The following NTRK3 variants were observed in gnomAD, a reference collection of about 807,000 sequenced individuals.
The protein encoded by NTRK3 is NT-3 growth factor receptor.
Under a neutral mutation model 91.7 loss-of-function variants are expected in NTRK3, and 24 were observed. That is an observed-to-expected ratio of 0.26 (90% CI 0.19 to 0.37). The LOEUF is 0.37. NTRK3 is among the 10% of genes least tolerant of loss of function. NTRK3 has a pLI of 1.00. For synonymous variants in NTRK3, 483 were observed against 404.0 expected (o/e 1.20, Z -2.34); for missense variants, 880 against 1,068.9 (o/e 0.82, Z 2.46).
intron 17 of NTRK3, chr15:87,926,765 T>A (rs1014759604): frequency 5.9e-5 from 9 of 152,258 alleles, no homozygotes; most frequent in African/African-American, 1.9e-4. Context: ...TAGCACATTC[T>A]GGTCAGACAT....
chr15:87,868,739 T>C (rs2064752312), exon 19 of NTRK3: 2 of 221,936 alleles, frequency 9.0e-6, no homozygotes, highest in Non-Finnish European at 1.8e-5. Flanking sequence ...AATTATAGAG[T>C]GAGTCTGGCT....
chr15:87,889,792 C>G (rs114891475), intron 17 of NTRK3, among the ~76,000 whole-genome samples: 24 of 152,048 alleles, frequency 1.6e-4, no homozygotes, highest in African/African-American at 5.5e-4. Flanking sequence ...ACTAATAATG[C>G]CTTAACACCA....
rs141908413 is a variant in NTRK3, at chr15:88,174,302, A to G, written c.395+9116T>C. Among the ~76,000 whole-genome samples the G allele has an allele frequency of 1.6e-4, 24 of 152,310 alleles. No individual in the cohort carries two copies. The East Asian group carries it at 4.2e-3, about 27-fold the overall frequency. On this transcript the variant is annotated intron_variant, in intron 5 of 18. Transcript: ENST00000394480. Reference sequence around the variant, plus strand: ...TAAATAGCTTATCCAACGTCACAGCATAAGGCCAAGAAAGAGCCAAAGGGA... The same window carrying G: ...TAAATAGCTTATCCAACGTCACAGCGTAAGGCCAAGAAAGAGCCAAAGGGA...
At chr15:88,155,623 A>G (rs2043815922) in intron 5 of NTRK3, among the ~76,000 whole-genome samples, 1 of 152,228 alleles carries the variant, frequency 6.6e-6, no homozygotes, top group Non-Finnish European at 1.5e-5. Flanking sequence ...CCCTTTTCAG[A>G]AAAAGTGTGA....
At chr15:88,206,201 C>T (rs1313535456) in intron 3 of NTRK3, among the ~76,000 whole-genome samples, 2 of 148,464 alleles carry the variant, frequency 1.3e-5, no homozygotes, top group Non-Finnish European at 3.0e-5. Context: ...AAAAATTAGC[C>T]GGGCGAGGTG....
At chr15:87,920,281 A>T (rs1406317851) in intron 17 of NTRK3, among the ~76,000 whole-genome samples, 2 of 152,194 alleles carry the variant, frequency 1.3e-5, no homozygotes, top group East Asian at 3.8e-4. Flanking sequence ...TTCTGTGTTC[A>T]TTCCCTCAGC....
chr15:87,953,244 C>T (rs975147833), intron 14 of NTRK3, among the ~76,000 whole-genome samples: 1 of 152,202 alleles, frequency 6.6e-6, no homozygotes, highest in African/African-American at 2.4e-5. Flanking sequence ...CCCTATCTGA[C>T]CCCTGGAATC....
intron 14 of NTRK3, among the ~76,000 whole-genome samples, chr15:88,022,007 G>A (rs1216709575): frequency 1.3e-5 from 2 of 152,060 alleles, no homozygotes; most frequent in Non-Finnish European, 2.9e-5. Context: ...GGAGACATGG[G>A]AAGTAACCCT....
chr15:87,946,504 C>A (rs1406727686), intron 14 of NTRK3, among the ~76,000 whole-genome samples: 4 of 152,124 alleles, frequency 2.6e-5, no homozygotes, highest in Non-Finnish European at 4.4e-5. Flanking sequence ...TCTTGGGGAC[C>A]ACGTGTGTGG....
chr15:88,090,063 C>T (rs2048875537), intron 13 of NTRK3, among the ~76,000 whole-genome samples: 1 of 152,198 alleles, frequency 6.6e-6, no homozygotes, highest in Non-Finnish European at 1.5e-5. Context: ...CAGGAACTCT[C>T]TTCCCCGAGA....
At chr15:88,136,631 T>C (rs1286681527) in intron 7 of NTRK3, 22 bp from the exon 8 acceptor site, 2 of 1,609,174 alleles carry the variant, frequency 1.2e-6, no homozygotes, top group Admixed American at 3.4e-5. Context: ...ACAAAGTGGG[T>C]GAAAAGACAG....
At chr15:88,045,680 C>T (rs980805303) in intron 13 of NTRK3, among the ~76,000 whole-genome samples, 2 of 152,334 alleles carry the variant, frequency 1.3e-5, no homozygotes, top group African/African-American at 4.8e-5. Flanking sequence ...AGGCCATGGT[C>T]CCTGAGACTC....
chr15:88,036,927 C>T (rs2079125187), intron 13 of NTRK3, among the ~76,000 whole-genome samples: 1 of 152,190 alleles, frequency 6.6e-6, no homozygotes, highest in African/African-American at 2.4e-5. Context: ...TTGTGAAAGG[C>T]TGTTTCTTTG....
At chr15:87,973,577 A>G (rs910070651) in intron 14 of NTRK3, among the ~76,000 whole-genome samples, 1 of 152,186 alleles carries the variant, frequency 6.6e-6, no homozygotes, top group African/African-American at 2.4e-5. Context: ...ATGCAGAACC[A>G]GAGCTATCCA....
intron 3 of NTRK3, among the ~76,000 whole-genome samples, chr15:88,219,359 C>CG (rs1246059667): frequency 6.6e-6 from 1 of 152,236 alleles, no homozygotes; most frequent in Non-Finnish European, 1.5e-5. Flanking sequence ...AACCCACAGA[C>CG]GGGGGCCAAG....
At chr15:88,092,852 C>A (rs1447948089) in intron 13 of NTRK3, among the ~76,000 whole-genome samples, 2 of 152,194 alleles carry the variant, frequency 1.3e-5, no homozygotes, top group African/African-American at 4.8e-5. Context: ...TGTGCATGTT[C>A]AAATCACCCT....
chr15:88,104,012 T>C (rs1435258966), intron 13 of NTRK3, among the ~76,000 whole-genome samples: 1 of 152,216 alleles, frequency 6.6e-6, no homozygotes, highest in African/African-American at 2.4e-5. Flanking sequence ...GAGTCTAGCA[T>C]TCTTGCTATA....
At chr15:87,933,243 T>C (rs2068962023) in intron 15 of NTRK3, 59 bp from the exon 16 acceptor site, 3 of 1,563,454 alleles carry the variant, frequency 1.9e-6, no homozygotes, top group Non-Finnish European at 2.6e-6. Flanking sequence ...CTGTCTTTTC[T>C]ACTCCTGGAA....
intron 3 of NTRK3, among the ~76,000 whole-genome samples, chr15:88,251,472 T>C (rs1567720873): frequency 6.6e-6 from 1 of 152,242 alleles, no homozygotes; most frequent in Non-Finnish European, 1.5e-5. Context: ...ATTCACATGA[T>C]CCATCCCTTT....
Sources: gnomAD v4.1 joint callset for allele counts (sites outside exome capture counted in the v4.1 genomes callset) on GRCh38, gnomAD v4.1.1 for gene constraint, MANE v1.5 for transcripts, NCBI Gene and HGNC (gene_info 2026-07-23, HGNC 2026-07-21) for gene names.